TMPRSS15: variants seen among roughly 807,000 people sequenced by gnomAD.
The protein encoded by TMPRSS15 is transmembrane serine protease 15, also known as enteropeptidase.
A neutral mutation model predicts 125.3 loss-of-function variants in TMPRSS15; 128 were observed. That is an observed-to-expected ratio of 1.02 (90% CI 0.89 to 1.18). The LOEUF (loss-of-function observed/expected upper bound fraction) is 1.18, where lower values mean the gene tolerates loss of function less well. Among genes scored for constraint, TMPRSS15 ranks in the 50% most tolerant of loss-of-function variants. The pLI is 0.00. For synonymous variants in TMPRSS15, 446 were observed against 423.2 expected, an observed-to-expected ratio of 1.05 and a Z score of -0.66; for missense variants, 1,283 against 1,212.7, an observed-to-expected ratio of 1.06 and a Z score of -0.86.
intron 18 of TMPRSS15, among the ~76,000 whole-genome samples, chr21:18,310,978 CT>C (rs536717820): frequency 1.8e-5 from 2 of 111,562 alleles, no homozygotes; most frequent in Non-Finnish European, 3.1e-5. Context: ...AGAACATTCA[CT>C]GGGGGGGAAG....
At chr21:18,416,682 G>A (rs2076181086) in intron 1 of TMPRSS15, among the ~76,000 whole-genome samples, 1 of 151,986 alleles carries the variant, frequency 6.6e-6, no homozygotes, top group Admixed American at 6.5e-5. Flanking sequence ...GCAGCATATT[G>A]TAAAGAACTT....
upstream of TMPRSS15, among the ~76,000 whole-genome samples, chr21:18,407,148 T>C (rs1211462296): frequency 6.6e-6 from 1 of 152,148 alleles, no homozygotes; most frequent in Non-Finnish European, 1.5e-5. Context: ...GTATGATGGT[T>C]ACTTCTGAGC....
chr21:18,360,210 C>A (rs2075667051), intron 7 of TMPRSS15, among the ~76,000 whole-genome samples: 1 of 152,080 alleles, frequency 6.6e-6, no homozygotes, highest in African/African-American at 2.4e-5. Context: ...CTCTCTGTGA[C>A]TGGCTTATTT....
At chr21:18,305,966 A>G (rs995927786) in intron 18 of TMPRSS15, among the ~76,000 whole-genome samples, 4 of 152,198 alleles carry the variant, frequency 2.6e-5, no homozygotes, top group Admixed American at 2.6e-4. Context: ...AACCTTGCCC[A>G]AAGCTTTTCT....
chr21:18,432,627 C>T (rs73198325), intron 1 of TMPRSS15, among the ~76,000 whole-genome samples: 11,442 of 152,122 alleles, frequency 0.075, 595 homozygotes, highest in South Asian at 0.13. Flanking sequence ...TGCTTCCATA[C>T]GCTAAAGAAA....
intron 1 of TMPRSS15, among the ~76,000 whole-genome samples, chr21:18,428,850 C>T (rs759417253): frequency 4.6e-5 from 7 of 152,190 alleles, no homozygotes. Flanking sequence ...ACTGGGGCAC[C>T]ACCTAGTGGA....
chr21:18,356,754 GAAT>G (rs1264046504), intron 8 of TMPRSS15, among the ~76,000 whole-genome samples: 3 of 151,940 alleles, frequency 2.0e-5, no homozygotes, highest in Admixed American at 2.0e-4. Flanking sequence ...GCTTTACTTT[GAAT>G]AATATTTGCC....
chr21:18,477,774 T>G (rs1978906157), intron 1 of TMPRSS15: 1 of 152,108 alleles, frequency 6.6e-6, no homozygotes, highest in East Asian at 1.9e-4. Flanking sequence ...ATATACTATA[T>G]GTTGTTCATA....
intron 3 of TMPRSS15, 30 bp downstream of exon 3, chr21:18,397,849 A>G (rs2123123045): frequency 7.8e-7 from 1 of 1,276,272 alleles, no homozygotes; most frequent in South Asian, 1.4e-5. Context: ...CTAATTTTCC[A>G]TCAGTAGAAA....
intron 1 of TMPRSS15, among the ~76,000 whole-genome samples, chr21:18,479,821 A>G (rs1382786864): frequency 6.6e-6 from 1 of 152,050 alleles, no homozygotes; most frequent in African/African-American, 2.4e-5. Context: ...ATTGTGGAAG[A>G]CAGTGTGGCA....
At chr21:18,479,662 G>A (rs1978943910) in intron 1 of TMPRSS15, among the ~76,000 whole-genome samples, 1 of 152,036 alleles carries the variant, frequency 6.6e-6, no homozygotes, top group Non-Finnish European at 1.5e-5. Flanking sequence ...GGTCACTAGA[G>A]AAATGCAAAT....
intron 22 of TMPRSS15, 73 bp downstream of exon 22, chr21:18,280,967 T>C: frequency 2.0e-6 from 3 of 1,471,266 alleles, no homozygotes; most frequent in Non-Finnish European, 2.8e-6. Context: ...GCATTGACAT[T>C]GATAATATTT....
At chr21:18,478,544 A>G (rs148389010) in intron 1 of TMPRSS15, among the ~76,000 whole-genome samples, 181 of 152,136 alleles carry the variant, frequency 1.2e-3, no homozygotes, top group African/African-American at 4.2e-3. Flanking sequence ...AACTCCAGAC[A>G]TTAATTGGAT....
In TMPRSS15 at chr21:18,281,130, C is replaced by T; in HGVS notation, c.2578G>A (p.Asp860Asn). Residue 860 changes from aspartate to asparagine, a missense_variant, in exon 22 of 25, where the codon GAT (aspartate) becomes AAT (asparagine). Physicochemically the swap from Asp to Asn is conservative, Grantham distance 23. Transcript: ENST00000284885. ...TAATGAGGGTTTATGACAATTTCATCTATTAATCGAGGGACTGTTTGAGGA... is the reference window on the plus strand; with the variant it reads ...TAATGAGGGTTTATGACAATTTCATTTATTAATCGAGGGACTGTTTGAGGA... ...TSPQTVPRLI[D>N]EIVINPHYNR... The T allele has an allele frequency of 6.2e-7, 1 of 1,613,864 alleles. No homozygotes were observed.
chr21:18,304,399 C>T (rs2075007065), intron 18 of TMPRSS15, among the ~76,000 whole-genome samples: 1 of 152,108 alleles, frequency 6.6e-6, no homozygotes, highest in African/African-American at 2.4e-5. Context: ...GTCTTGACTA[C>T]TCTGTCAGAA....
intron 1 of TMPRSS15, among the ~76,000 whole-genome samples, chr21:18,482,450 A>G (rs982010564): frequency 6.6e-6 from 1 of 151,544 alleles, no homozygotes; most frequent in African/African-American, 2.4e-5. Flanking sequence ...ATTTTTCACA[A>G]ATACACAAAT....
At chr21:18,368,318 C>A (rs1281556119) in intron 6 of TMPRSS15, among the ~76,000 whole-genome samples, 1 of 152,130 alleles carries the variant, frequency 6.6e-6, no homozygotes. Flanking sequence ...TTTGACAAAC[C>A]CTCTTTCAGT....
At position 18,413,280 on chromosome 21, in the gene TMPRSS15, TTTTC is replaced by T. The variant is rs938234400; in HGVS notation, c.11-14955_11-14952del. Among the ~76,000 whole-genome samples the T allele has an allele frequency of 2.7e-4, 35 of 130,696 alleles. 1 individual carries two copies. Among genetic ancestry groups the T allele is most frequent in the African/African-American group, 6.6e-4 (22 of 33,420 alleles). The allele number at this position is 130,696 out of a possible 152,430, so 85.7% of individuals were successfully genotyped here. ...TTTCTTTCTTTCTCTTTCTTTTTCT[TTTTC>T]TTTCTTTCTTTTCTTTCTTTTCTTT... is the stretch of plus-strand genomic sequence containing the variant. On this transcript the variant is annotated intron_variant, in intron 1 of 7. Coordinates refer to the TMPRSS15 transcript ENST00000422787.
At chr21:18,477,231 A>G (rs1339454833) in intron 1 of TMPRSS15, 2 of 152,164 alleles carry the variant, frequency 1.3e-5, no homozygotes, top group East Asian at 3.9e-4. Context: ...AGCTCCTCAG[A>G]ACATTTTGAA....
Sources: allele counts gnomAD v4.1 joint callset (sites outside exome capture counted in the v4.1 genomes callset), GRCh38; gene constraint gnomAD v4.1.1; transcripts MANE v1.5; gene names NCBI Gene and HGNC (gene_info 2026-07-23, HGNC 2026-07-21).